RGS6: variants seen among roughly 807,000 people sequenced by gnomAD.
RGS6 encodes regulator of G protein signaling 6.
In RGS6, 30 loss-of-function variants were observed where a neutral mutation model predicts 78.5. That is an observed-to-expected ratio of 0.38 (90% CI 0.29 to 0.52). The LOEUF is 0.52. Among genes scored for constraint, RGS6 ranks in the 20% least tolerant of loss-of-function variants. RGS6 has a pLI of 0.85. For missense variants in RGS6, 495 were observed against 609.7 expected (o/e 0.81, Z 1.98); for synonymous variants, 206 against 206.0 (o/e 1.00, Z 0.00).
At chr14:72,127,878 A>G (rs983717059) in intron 2 of RGS6, among the ~76,000 whole-genome samples, 3 of 152,308 alleles carry the variant, frequency 2.0e-5, no homozygotes, top group Non-Finnish European at 4.4e-5. Context: ...CTCTGTTTCT[A>G]TAACTTATCA....
chr14:72,218,020 T>C (rs2045986127), intron 2 of RGS6, among the ~76,000 whole-genome samples: 1 of 152,170 alleles, frequency 6.6e-6, no homozygotes. Context: ...TAAGGAAAAG[T>C]TGAAAAAAAC....
intron 2 of RGS6, among the ~76,000 whole-genome samples, chr14:72,183,327 A>G (rs1224705704): frequency 6.6e-6 from 1 of 152,218 alleles, no homozygotes; most frequent in Non-Finnish European, 1.5e-5. Flanking sequence ...TGTCTTTTAC[A>G]TTCACAGTCA....
chr14:71,939,838 A>C (rs994584223), intron 1 of RGS6, among the ~76,000 whole-genome samples: 1 of 152,206 alleles, frequency 6.6e-6, no homozygotes, highest in African/African-American at 2.4e-5. Context: ...TGGTGGCACT[A>C]ATCTCCTCAG....
At chr14:72,569,544 G>A (rs2097717843), downstream of RGS6, among the ~76,000 whole-genome samples, 1 of 152,140 alleles carries the variant, frequency 6.6e-6, no homozygotes, top group Non-Finnish European at 1.5e-5. Context: ...GCTCGGCGTG[G>A]TGGCAGGCAC....
At chr14:72,220,091 T>G (rs2046507808) in intron 2 of RGS6, among the ~76,000 whole-genome samples, 1 of 152,124 alleles carries the variant, frequency 6.6e-6, no homozygotes, top group African/African-American at 2.4e-5. Context: ...TATAACAACA[T>G]TCAAGCTAAG....
chr14:72,259,650 GT>G (rs1177855286), intron 2 of RGS6, among the ~76,000 whole-genome samples: 1 of 152,174 alleles, frequency 6.6e-6, no homozygotes, highest in African/African-American at 2.4e-5. Flanking sequence ...GCTCACGCCT[GT>G]AATCCCAGCA....
intron 3 of RGS6, among the ~76,000 whole-genome samples, chr14:72,396,681 T>G (rs2152974912): frequency 6.6e-6 from 1 of 152,322 alleles, no homozygotes; most frequent in South Asian, 2.1e-4. Context: ...GTTTTAGGTC[T>G]AACATGTAAG....
intron 2 of RGS6, among the ~76,000 whole-genome samples, chr14:71,996,137 G>T (rs1008748089): frequency 6.8e-6 from 1 of 147,694 alleles, no homozygotes; most frequent in Admixed American, 6.9e-5. Flanking sequence ...GCAGCAAGTC[G>T]GGTGTTCGTT....
At chr14:72,339,612 T>C (rs1225749648) in intron 2 of RGS6, among the ~76,000 whole-genome samples, 1 of 152,052 alleles carries the variant, frequency 6.6e-6, no homozygotes, top group African/African-American at 2.4e-5. Flanking sequence ...GCAGAGGACA[T>C]TTTTTGGTGC....
intron 3 of RGS6, among the ~76,000 whole-genome samples, chr14:72,373,681 T>G (rs530448714): frequency 3.3e-5 from 5 of 152,198 alleles, no homozygotes; most frequent in African/African-American, 1.2e-4. Flanking sequence ...AATCGTTTTG[T>G]CTTTGGCTAT....
At position 72,560,806 on chromosome 14, in the gene RGS6, G is replaced by A. The variant is rs1027989353; in HGVS notation, c.1423-1611G>A. On this transcript the variant is annotated intron_variant, in intron 17 of 17. Transcript: ENST00000553525. ...GGGGTGATTTTGTGGACGTGTGTGT[G>A]TGTGTGTGTGTGTGTGTGTGTGTGT... 8.2e-4 allele frequency among the ~76,000 whole-genome samples: 90 copies of A among 110,268 alleles called. 1 individual carries two copies. Among genetic ancestry groups the A allele is most frequent in the African/African-American group, 5.8e-3 (87 of 15,046 alleles). 72.3% of individuals were successfully genotyped at this position (110,268 alleles called of 152,430 possible). A position where few individuals can be genotyped will look rare whatever the true frequency, so the allele number is the denominator to read the frequency against.
At chr14:72,312,788 G>A (rs577900722) in intron 2 of RGS6, among the ~76,000 whole-genome samples, 70 of 152,278 alleles carry the variant, frequency 4.6e-4, no homozygotes, top group Middle Eastern at 6.8e-3. Context: ...TTTGGGGATG[G>A]TAGCTGGAAG....
rs181360789 is a variant in RGS6, at chr14:72,161,132, A to G, written c.85-190963A>G. 1.8e-4 allele frequency among the ~76,000 whole-genome samples: 27 copies of G among 152,318 alleles called. No homozygotes were observed. In the East Asian group the frequency reaches 4.8e-3, roughly 27 times the overall value. Reference sequence around the variant, plus strand: ...TGGAAACCATCATTCTCAGCAAACTAACGCGAGAACAGAAAACCAAACACC... The same window carrying G: ...TGGAAACCATCATTCTCAGCAAACTGACGCGAGAACAGAAAACCAAACACC... On this transcript the variant is annotated intron_variant, in intron 2 of 17. Coordinates refer to ENST00000553525, the MANE Select transcript of RGS6 (RefSeq NM_001204424.2).
intron 2 of RGS6, among the ~76,000 whole-genome samples, chr14:72,053,079 C>CCCTCCCTTCTTTCCTT (rs2093415805): frequency 2.3e-4 from 4 of 17,028 alleles, no homozygotes; most frequent in African/African-American, 1.4e-3. Context: ...CTCCCTCCCT[C>CCCTCCCTTCTTTCCTT]CCTTCCTTCC....
intron 14 of RGS6, chr14:72,515,874 A>T (rs2096936099): frequency 6.6e-6 from 1 of 152,310 alleles, no homozygotes. Context: ...GACAGAGGTG[A>T]CAGAAAGTGA....
At chr14:72,235,528 C>A (rs1467201180) in intron 2 of RGS6, among the ~76,000 whole-genome samples, 1 of 152,214 alleles carries the variant, frequency 6.6e-6, no homozygotes, top group African/African-American at 2.4e-5. Context: ...GTATAATCTA[C>A]TTCCTTTATC....
At chr14:72,157,027 G>A (rs1200876638) in intron 2 of RGS6, among the ~76,000 whole-genome samples, 3 of 152,184 alleles carry the variant, frequency 2.0e-5, no homozygotes, top group Admixed American at 6.5e-5. Flanking sequence ...AGGACCACCT[G>A]GAAAAGTGAA....
intron 3 of RGS6, among the ~76,000 whole-genome samples, chr14:72,424,132 C>A (rs1294774392): frequency 6.6e-6 from 1 of 152,150 alleles, no homozygotes; most frequent in African/African-American, 2.4e-5. Flanking sequence ...TGGGGCTATT[C>A]CTGGTAGGGC....
intron 13 of RGS6, among the ~76,000 whole-genome samples, chr14:72,504,767 C>T (rs1314458649): frequency 6.7e-6 from 1 of 149,662 alleles, no homozygotes; most frequent in Non-Finnish European, 1.5e-5. Flanking sequence ...CTTTCCTTTC[C>T]TTTCAAGATG....
Sources: allele counts gnomAD v4.1 joint callset (sites outside exome capture counted in the v4.1 genomes callset), GRCh38; gene constraint gnomAD v4.1.1; transcripts MANE v1.5; gene names NCBI Gene and HGNC (gene_info 2026-07-23, HGNC 2026-07-21).